GRIA4: variants seen among roughly 807,000 people sequenced by gnomAD.
GRIA4 encodes the protein glutamate ionotropic receptor AMPA type subunit 4.
Under a neutral mutation model 104.0 loss-of-function variants are expected in GRIA4, and 34 were observed. The ratio of observed to expected loss-of-function variants is 0.33; its 90% CI spans 0.25 to 0.44. The LOEUF is 0.44. Among genes scored for constraint, GRIA4 ranks in the 20% least tolerant of loss-of-function variants. The pLI, the probability that GRIA4 is intolerant of heterozygous loss-of-function variation, is 1.00. For missense variants in GRIA4, 750 were observed against 1,096.5 expected (o/e 0.68, Z 4.46); for synonymous variants, 386 against 381.9 (o/e 1.01, Z -0.13).
chr11:105,672,837 T>C (rs568607784), intron 3 of GRIA4, among the ~76,000 whole-genome samples: 10 of 152,274 alleles, frequency 6.6e-5, no homozygotes, highest in East Asian at 1.9e-4. Flanking sequence ...CCAAACTTTA[T>C]GACTTTTACC....
At chr11:105,739,501 T>C (rs927358897) in intron 3 of GRIA4, among the ~76,000 whole-genome samples, 1 of 152,162 alleles carries the variant, frequency 6.6e-6, no homozygotes, top group African/African-American at 2.4e-5. Flanking sequence ...AGTGAAATAT[T>C]TTTGTGTAAT....
At chr11:105,886,850 T>G (rs1043341545) in intron 5 of GRIA4, among the ~76,000 whole-genome samples, 5 of 151,898 alleles carry the variant, frequency 3.3e-5, no homozygotes, top group Non-Finnish European at 5.9e-5. Context: ...TCTAGAATTT[T>G]TTTTAAAAAA....
intron 13 of GRIA4, among the ~76,000 whole-genome samples, chr11:105,931,142 CTA>C (rs1359391677): frequency 1.3e-5 from 2 of 152,014 alleles, no homozygotes. Context: ...CATGGCATTC[CTA>C]GTGGATTCTG....
chr11:105,670,365 T>C (rs1266381998), intron 3 of GRIA4, among the ~76,000 whole-genome samples: 1 of 152,170 alleles, frequency 6.6e-6, no homozygotes, highest in Non-Finnish European at 1.5e-5. Flanking sequence ...ATTTTCTAAT[T>C]TTGTTTCATT....
intron 3 of GRIA4, among the ~76,000 whole-genome samples, chr11:105,686,717 T>C (rs1952894217): frequency 6.6e-6 from 1 of 152,198 alleles, no homozygotes; most frequent in South Asian, 2.1e-4. Flanking sequence ...CTCTTCTCTC[T>C]GTAGCCTCAT....
At chr11:105,726,585 G>T (rs1397896084) in intron 3 of GRIA4, among the ~76,000 whole-genome samples, 1 of 152,026 alleles carries the variant, frequency 6.6e-6, no homozygotes, top group Non-Finnish European at 1.5e-5. Flanking sequence ...TGAACCTGAT[G>T]TGGAGACACC....
chr11:105,681,671 A>G (rs1432117291), intron 3 of GRIA4, among the ~76,000 whole-genome samples: 1 of 152,188 alleles, frequency 6.6e-6, no homozygotes, highest in African/African-American at 2.4e-5. Flanking sequence ...AACTTGTTGA[A>G]TGCCTCATTA....
chr11:105,764,875 T>C (rs1940858025), intron 4 of GRIA4, among the ~76,000 whole-genome samples: 1 of 152,120 alleles, frequency 6.6e-6, no homozygotes, highest in Non-Finnish European at 1.5e-5. Context: ...CTGGAAATTA[T>C]TGTTTCTTGT....
chr11:105,717,574 A>G (rs1397745259), intron 3 of GRIA4, among the ~76,000 whole-genome samples: 1 of 151,986 alleles, frequency 6.6e-6, no homozygotes, highest in Non-Finnish European at 1.5e-5. Flanking sequence ...TCCAGGGGAG[A>G]GAAGTACAAA....
chr11:105,837,598 G>T (rs905559561), intron 4 of GRIA4, among the ~76,000 whole-genome samples: 1 of 152,078 alleles, frequency 6.6e-6, no homozygotes, highest in Non-Finnish European at 1.5e-5. Context: ...ACAGGAAGGG[G>T]GAGAGTAGAT....
chr11:105,668,705 C>T (rs1482708106), intron 3 of GRIA4, among the ~76,000 whole-genome samples: 3 of 129,014 alleles, frequency 2.3e-5, no homozygotes, highest in African/African-American at 8.8e-5. Flanking sequence ...GATAGAGTGT[C>T]GCTCTGTTGC....
chr11:105,831,547 A>AAT (rs1164329686), intron 4 of GRIA4, among the ~76,000 whole-genome samples: 1 of 152,044 alleles, frequency 6.6e-6, no homozygotes, highest in Non-Finnish European at 1.5e-5. Flanking sequence ...ATTTAAAATG[A>AAT]ATACAAAAAT....
At chr11:105,783,450 T>C (rs1941816038) in intron 4 of GRIA4, among the ~76,000 whole-genome samples, 1 of 152,192 alleles carries the variant, frequency 6.6e-6, no homozygotes. Context: ...TCTCTTTCCA[T>C]TCATTTGGAT....
intron 4 of GRIA4, among the ~76,000 whole-genome samples, chr11:105,762,215 G>T (rs1401134759): frequency 2.6e-5 from 4 of 152,018 alleles, no homozygotes; most frequent in African/African-American, 9.6e-5. Flanking sequence ...GTAGAGATGG[G>T]GTTTCACCAT....
At chr11:105,926,290 T>C (rs991436503) in intron 12 of GRIA4, among the ~76,000 whole-genome samples, 1 of 152,114 alleles carries the variant, frequency 6.6e-6, no homozygotes, top group African/African-American at 2.4e-5. Flanking sequence ...CTGCAGTCAC[T>C]GTTCATAGGT....
intron 4 of GRIA4, among the ~76,000 whole-genome samples, chr11:105,827,009 T>C (rs1414125676): frequency 6.6e-6 from 1 of 152,036 alleles, no homozygotes; most frequent in Non-Finnish European, 1.5e-5. Context: ...TGGATTTTTT[T>C]CCAAATTCTA....
At chr11:105,760,227 A>G (rs993464423) in intron 4 of GRIA4, among the ~76,000 whole-genome samples, 3 of 151,794 alleles carry the variant, frequency 2.0e-5, no homozygotes, top group African/African-American at 7.3e-5. Flanking sequence ...AGCCTTCTTT[A>G]CTCCATGTTT....
chr11:105,757,072 A>T (rs1424038192), intron 4 of GRIA4, among the ~76,000 whole-genome samples: 1 of 152,200 alleles, frequency 6.6e-6, no homozygotes, highest in East Asian at 1.9e-4. Context: ...AATCAGAATC[A>T]GGCAAGGGAG....
At chr11:105,744,767 T>G (rs17104507) in intron 3 of GRIA4, among the ~76,000 whole-genome samples, 5,103 of 152,262 alleles carry the variant, frequency 0.034, 184 homozygotes, top group African/African-American at 0.089. Flanking sequence ...TGGATAATAT[T>G]AAAGACAAGT....
Sources: gnomAD v4.1 joint callset for allele counts (sites outside exome capture counted in the v4.1 genomes callset) on GRCh38, gnomAD v4.1.1 for gene constraint, MANE v1.5 for transcripts, NCBI Gene and HGNC (gene_info 2026-07-23, HGNC 2026-07-21) for gene names.